TOX: variants seen among roughly 807,000 people sequenced by gnomAD.
TOX encodes the protein thymocyte selection associated high mobility group box, also known as thymocyte selection-associated high mobility group box protein TOX.
TOX carries 11 observed loss-of-function variants against 53.7 expected under a neutral mutation model. The observed-to-expected ratio is 0.20, with a 90% confidence interval of 0.13 to 0.34. The LOEUF (loss-of-function observed/expected upper bound fraction) is 0.34, where lower values mean the gene tolerates loss of function less well. Ranked by LOEUF, TOX falls within the 10% of genes least tolerant of loss-of-function variation. The pLI, the probability that TOX is intolerant of heterozygous loss-of-function variation, is 1.00. For synonymous variants in TOX, 225 were observed against 245.3 expected (o/e 0.92, Z 0.77); for missense variants, 570 against 664.6 (o/e 0.86, Z 1.56).
chr8:58,924,569 T>C (rs577036753), intron 3 of TOX, among the ~76,000 whole-genome samples: 2 of 152,382 alleles, frequency 1.3e-5, no homozygotes, highest in East Asian at 3.9e-4. Flanking sequence ...TCAGGCATGA[T>C]TCTTCCTTCC....
intron 1 of TOX, among the ~76,000 whole-genome samples, chr8:59,104,759 G>A (rs1554546910): frequency 3.3e-5 from 5 of 152,112 alleles, no homozygotes; most frequent in Non-Finnish European, 1.5e-5. Flanking sequence ...AAAAAATTAG[G>A]AGTAACTTTC....
At chr8:58,881,673 G>A (rs565897608) in intron 3 of TOX, among the ~76,000 whole-genome samples, 4 of 137,208 alleles carry the variant, frequency 2.9e-5, no homozygotes, top group African/African-American at 1.1e-4. Flanking sequence ...GCAGTGAGCC[G>A]AGATCACACC....
intron 1 of TOX, among the ~76,000 whole-genome samples, chr8:58,973,217 T>A (rs1813031997): frequency 6.6e-6 from 1 of 152,180 alleles, no homozygotes; most frequent in Non-Finnish European, 1.5e-5. Context: ...CGACAGGAAA[T>A]ATGCCACGTC....
intron 1 of TOX, among the ~76,000 whole-genome samples, chr8:58,975,986 C>T (rs747340520): frequency 4.6e-5 from 7 of 151,988 alleles, no homozygotes; most frequent in Non-Finnish European, 5.9e-5. Context: ...GCAAGAGAAT[C>T]GCTTGAACCT....
chr8:59,057,916 G>A (rs911204471), intron 1 of TOX, among the ~76,000 whole-genome samples: 6 of 151,900 alleles, frequency 3.9e-5, no homozygotes, highest in African/African-American at 7.3e-5. Context: ...GCACAGTCTC[G>A]GCTCACTGCA....
At chr8:59,090,026 CAGTGCACTATGGCAAG>C (rs1308754498) in intron 1 of TOX, among the ~76,000 whole-genome samples, 2 of 152,212 alleles carry the variant, frequency 1.3e-5, no homozygotes, top group Non-Finnish European at 2.9e-5. Flanking sequence ...CAGGTGCTTT[CAGTGCACTATGGCAAG>C]ATACAAAACC....
chr8:58,966,657 T>C (rs1812906507), intron 1 of TOX, among the ~76,000 whole-genome samples: 1 of 152,124 alleles, frequency 6.6e-6, no homozygotes, highest in South Asian at 2.1e-4. Flanking sequence ...ATATTAGATA[T>C]TCTTTTTGTT....
intron 3 of TOX, among the ~76,000 whole-genome samples, chr8:58,927,938 C>T (rs186049868): frequency 1.9e-3 from 284 of 152,266 alleles, no homozygotes; most frequent in African/African-American, 6.2e-3. Context: ...GACCCACAGG[C>T]GTACCCACCA....
chr8:58,902,788 T>C (rs1276190744), intron 3 of TOX, among the ~76,000 whole-genome samples: 4 of 152,210 alleles, frequency 2.6e-5, no homozygotes, highest in Admixed American at 2.0e-4. Flanking sequence ...CATTCCACCC[T>C]ATGCCTTACA....
intron 2 of TOX, among the ~76,000 whole-genome samples, chr8:58,941,414 C>T (rs1812437679): frequency 1.3e-5 from 2 of 152,088 alleles, no homozygotes; most frequent in Non-Finnish European, 2.9e-5. Context: ...AATAACTTGT[C>T]CAAGTTCACT....
chr8:58,858,321 C>T (rs771150826), intron 3 of TOX, among the ~76,000 whole-genome samples: 4 of 152,178 alleles, frequency 2.6e-5, no homozygotes, highest in Admixed American at 6.5e-5. Context: ...GTCTGTATTC[C>T]TCCTTCAAGT....
At position 58,986,576 on chromosome 8, in the gene TOX, T is replaced by A. The variant is rs565638873; in HGVS notation, c.103-26568A>T. On this transcript the variant is annotated intron_variant, in intron 1 of 8. Transcript: ENST00000361421. ...TATTTCTTACTGTTAAACCCAGACA[T>A]TGAAATGTATATCCAGGGCCTTTTA... Among the ~76,000 whole-genome samples, 4 of 152,330 alleles carry A rather than the reference T, an allele frequency of 2.6e-5. No individual in the cohort carries two copies. The East Asian group carries it at 7.7e-4, about 29-fold the overall frequency.
At chr8:59,035,014 G>A (rs1000376813) in intron 1 of TOX, among the ~76,000 whole-genome samples, 2 of 152,130 alleles carry the variant, frequency 1.3e-5, no homozygotes, top group African/African-American at 2.4e-5. Flanking sequence ...CGCTCTGGAG[G>A]TGCTCTGATC....
chr8:58,959,197 T>C (rs1163761999), intron 2 of TOX, among the ~76,000 whole-genome samples: 1 of 152,220 alleles, frequency 6.6e-6, no homozygotes, highest in African/African-American at 2.4e-5. Flanking sequence ...AATGTTCTTA[T>C]ATTTTACGTT....
chr8:58,833,745 A>C (rs1810503334), intron 5 of TOX, among the ~76,000 whole-genome samples: 1 of 152,170 alleles, frequency 6.6e-6, no homozygotes, highest in African/African-American at 2.4e-5. Flanking sequence ...ATTAGCATTT[A>C]AAACCCCCGG....
intron 1 of TOX, among the ~76,000 whole-genome samples, chr8:58,970,961 T>C (rs1420537075): frequency 6.6e-6 from 1 of 152,238 alleles, no homozygotes; most frequent in Non-Finnish European, 1.5e-5. Flanking sequence ...GATCCTACTT[T>C]AGTTTTCCAC....
intron 3 of TOX, among the ~76,000 whole-genome samples, chr8:58,934,520 TACTC>T (rs1264346724): frequency 2.0e-5 from 3 of 152,144 alleles, no homozygotes; most frequent in African/African-American, 7.2e-5. Context: ...CACAAAAAGT[TACTC>T]ACGGTCACAC....
chr8:58,939,464 C>T lies in TOX; in HGVS notation c.249G>A (p.Leu83=). Residue 83 remains leucine (L), a synonymous_variant, in exon 3 of 9, where the codon CTG becomes CTA. Coordinates refer to ENST00000361421, the MANE Select transcript of TOX (RefSeq NM_014729.3). Reference sequence around the variant, plus strand: ...CAGACTCAACTTCATTCAGGTGCACCAGCGAGTGGTCTGGGAGGGAAGGAG... The same window carrying T: ...CAGACTCAACTTCATTCAGGTGCACTAGCGAGTGGTCTGGGAGGGAAGGAG... ...ITPPSLPDHS[L]VHLNEVESGY... is the part of the protein sequence containing the mutation. 1.9e-6 allele frequency: 3 copies of T among 1,614,114 alleles called. No individual in the cohort carries two copies. The highest frequency in any genetic ancestry group is 2.5e-6 in the Non-Finnish European group (3 of 1,180,018).
chr8:58,825,472 T>C (rs1414008503), intron 6 of TOX, among the ~76,000 whole-genome samples: 2 of 152,216 alleles, frequency 1.3e-5, no homozygotes, highest in Admixed American at 1.3e-4. Flanking sequence ...GGACACTTGT[T>C]TTGAAAGTAA....
Sources: allele counts gnomAD v4.1 joint callset (sites outside exome capture counted in the v4.1 genomes callset), GRCh38; gene constraint gnomAD v4.1.1; transcripts MANE v1.5; gene names NCBI Gene and HGNC (gene_info 2026-07-23, HGNC 2026-07-21).